Variants in ELOVL2 observed in about 807,000 individuals in gnomAD.
ELOVL2 encodes the protein very long chain fatty acid elongase 2.
ELOVL2 carries 38 observed loss-of-function variants against 37.7 expected under a neutral mutation model. That is an observed-to-expected ratio of 1.01 (90% CI 0.78 to 1.32). ELOVL2 has a LOEUF of 1.32. Ranked by LOEUF, ELOVL2 falls within the 40% of genes most tolerant of loss-of-function variation. The probability of loss-of-function intolerance (pLI) is 0.00; values close to 1 mark genes in which losing one functional copy is unlikely to be tolerated. For synonymous variants in ELOVL2, 115 were observed against 122.3 expected (o/e 0.94, Z 0.40); for missense variants, 352 against 363.6 (o/e 0.97, Z 0.26).
intron 1 of ELOVL2, among the ~76,000 whole-genome samples, chr6:11,017,342 T>G (rs1782699388): frequency 6.6e-6 from 1 of 152,174 alleles, no homozygotes; most frequent in Admixed American, 6.5e-5. Context: ...AGACTTGAAC[T>G]ACAATGAATC....
chr6:10,992,662 G>A (rs902236212), intron 5 of ELOVL2, among the ~76,000 whole-genome samples: 1 of 147,996 alleles, frequency 6.8e-6, no homozygotes, highest in Non-Finnish European at 1.5e-5. Context: ...AGTGGCGCAC[G>A]CCTGTAATCC....
In ELOVL2 at chr6:11,044,206, G is replaced by T; in HGVS notation, c.3+22C>A. 6.9e-7 allele frequency: 1 copy of T among 1,447,880 alleles called. No homozygotes were observed. 89.7% of individuals were successfully genotyped at this position (1,447,880 alleles called of 1,614,324 possible). On this transcript the variant is annotated intron_variant, in intron 1 of 7. Transcript: ENST00000354666. This position sits in a 1 kb window ranked among gnomAD's most constrained non-coding sequence, Gnocchi z 5.6. ...AGAAAGAAAGCGCGGCGGTGTCGGT[G>T]GCGGCGCGCGGCCCCACTCACCATG...
At chr6:11,012,211 T>C (rs1432078941) in intron 1 of ELOVL2, among the ~76,000 whole-genome samples, 4 of 152,182 alleles carry the variant, frequency 2.6e-5, no homozygotes, top group Non-Finnish European at 5.9e-5. Flanking sequence ...GCACCTACTA[T>C]TGCTGGCCAG....
chr6:10,996,026 CATG>C (rs1782262372), intron 4 of ELOVL2, among the ~76,000 whole-genome samples: 1 of 152,292 alleles, frequency 6.6e-6, no homozygotes, highest in Middle Eastern at 3.4e-3. Flanking sequence ...GGTGGGAGGT[CATG>C]ATAACACATC....
At chr6:11,032,601 ACT>A (rs1442805176) in intron 1 of ELOVL2, among the ~76,000 whole-genome samples, 1 of 152,168 alleles carries the variant, frequency 6.6e-6, no homozygotes, top group Admixed American at 6.5e-5. Flanking sequence ...CTAGTTTATG[ACT>A]CTGAATGAAA....
rs12195587 is a variant in ELOVL2, at chr6:10,989,709, G to A, written c.759C>T (p.Tyr253=). 242,277 of 1,611,924 alleles carry A rather than the reference G, an allele frequency of 0.15. 20,554 individuals carry two copies. The highest frequency in any genetic ancestry group is 0.18 in the Non-Finnish European group (207,857 of 1,178,188). Residue 253 remains tyrosine, a synonymous_variant, in exon 7 of 8, where the codon TAC becomes TAT. Coordinates refer to ENST00000354666, the MANE Select transcript of ELOVL2 (RefSeq NM_017770.4). ...ATATTTACATTCCACGTACCTGAAC[G>A]TAAAAATTTAAGAAGAGGATGACTA... ...LTLVILFLNF[Y]VQTYRKKPMK...
intron 1 of ELOVL2, among the ~76,000 whole-genome samples, chr6:11,025,349 G>T (rs1782823773): frequency 6.6e-6 from 1 of 152,042 alleles, no homozygotes; most frequent in South Asian, 2.1e-4. Context: ...TTCATATATG[G>T]CGCCAATGTC....
At chr6:11,035,999 C>T (rs944440121) in intron 1 of ELOVL2, among the ~76,000 whole-genome samples, 4 of 152,098 alleles carry the variant, frequency 2.6e-5, no homozygotes, top group East Asian at 1.9e-4. Context: ...ATGTATTCAA[C>T]GTAGAGAGCA....
chr6:11,012,204 C>T (rs1046481751), intron 1 of ELOVL2, among the ~76,000 whole-genome samples: 5 of 152,132 alleles, frequency 3.3e-5, no homozygotes, highest in African/African-American at 1.2e-4. Flanking sequence ...TTGACTGGCA[C>T]CTACTATTGC....
At chr6:11,027,854 A>G (rs1782862899) in intron 1 of ELOVL2, among the ~76,000 whole-genome samples, 1 of 152,230 alleles carries the variant, frequency 6.6e-6, no homozygotes, top group African/African-American at 2.4e-5. Context: ...ACATGCCCAT[A>G]TAAAGGACAT....
At chr6:11,036,484 C>T (rs1184962753) in intron 1 of ELOVL2, among the ~76,000 whole-genome samples, 1 of 152,140 alleles carries the variant, frequency 6.6e-6, no homozygotes, top group African/African-American at 2.4e-5. Flanking sequence ...ATAACAATTC[C>T]CTGGGCTCTG....
At position 11,005,479 on chromosome 6, in the gene ELOVL2, A is replaced by G. The variant is rs755128727; in HGVS notation, c.148T>C (p.Trp50Arg). 6.2e-7 allele frequency: 1 copy of G among 1,614,188 alleles called. No individual in the cohort carries two copies. Reference sequence around the variant, plus strand: ...TTCTTCATATACTTGTTACCCAGCCATATTGAGAGCAGATACATGACAGTA... The same window carrying G: ...TTCTTCATATACTTGTTACCCAGCCGTATTGAGAGCAGATACATGACAGTA... ...FLTVMYLLSI[W>R]LGNKYMKNRP... The change falls in exon 3 of 8, where the codon TGG (tryptophan) becomes CGG (arginine). Residue 50 changes from tryptophan (W) to arginine (R), a missense_variant. Physicochemically the swap from Trp to Arg is moderately radical, Grantham distance 101 (BLOSUM62 -3). Transcript: ENST00000354666.
intron 6 of ELOVL2, 127 bp from the exon 7 acceptor site, chr6:10,989,964 G>C: frequency 1.9e-6 from 2 of 1,076,534 alleles, no homozygotes; most frequent in Non-Finnish European, 2.6e-6. Context: ...ACAAAACAAA[G>C]CTGCTGAAGC....
intron 2 of ELOVL2, among the ~76,000 whole-genome samples, chr6:11,006,840 A>C (rs986828386): frequency 1.3e-5 from 2 of 152,244 alleles, no homozygotes; most frequent in African/African-American, 4.8e-5. Flanking sequence ...CCTAATGTCC[A>C]TCTCCATATC....
intron 5 of ELOVL2, among the ~76,000 whole-genome samples, chr6:10,994,483 A>AAAAAGAAAAG (rs1554111121): frequency 6.8e-6 from 1 of 146,026 alleles, no homozygotes. Context: ...AAAAAAAAAA[A>AAAAAGAAAAG]GAACAAATAT....
intron 1 of ELOVL2, among the ~76,000 whole-genome samples, chr6:11,023,474 T>C (rs1782796746): frequency 6.6e-6 from 1 of 152,258 alleles, no homozygotes; most frequent in South Asian, 2.1e-4. Flanking sequence ...TTTCTATGTA[T>C]TTCTATATAT....
chr6:11,035,184 C>G (rs142099085), intron 1 of ELOVL2, among the ~76,000 whole-genome samples: 1 of 152,218 alleles, frequency 6.6e-6, no homozygotes, highest in East Asian at 1.9e-4. Context: ...ATAGACTGTT[C>G]TGTTCTACAC....
chr6:11,043,561 G>C (rs1783146296), intron 1 of ELOVL2: 2 of 152,908 alleles, frequency 1.3e-5, no homozygotes, highest in Admixed American at 6.6e-5. Context: ...GGCAGAGAGA[G>C]GAGTTGTCGG....
At chr6:10,985,082 T>G (rs1321431400) in intron 7 of ELOVL2, among the ~76,000 whole-genome samples, 1 of 152,214 alleles carries the variant, frequency 6.6e-6, no homozygotes, top group African/African-American at 2.4e-5. Flanking sequence ...GTTATCTCAT[T>G]GTGGTTTGGA....
Sources: allele counts gnomAD v4.1 joint callset (sites outside exome capture counted in the v4.1 genomes callset), GRCh38; gene constraint gnomAD v4.1.1; non-coding constraint Gnocchi (gnomAD v3.1); transcripts MANE v1.5; gene names NCBI Gene and HGNC (gene_info 2026-07-23, HGNC 2026-07-21).